Variants in GNAL observed in about 807,000 individuals in gnomAD.
GNAL encodes the protein guanine nucleotide-binding protein G(olf) subunit alpha.
Under a neutral mutation model 55.1 loss-of-function variants are expected in GNAL, and 18 were observed. That is an observed-to-expected ratio of 0.33 (90% CI 0.23 to 0.48). GNAL has a LOEUF of 0.48. Ranked by LOEUF, GNAL falls within the 20% of genes least tolerant of loss-of-function variation. GNAL has a pLI of 0.99. For synonymous variants in GNAL, 253 were observed against 237.0 expected, an observed-to-expected ratio of 1.07 and a Z score of -0.62; for missense variants, 412 against 614.1, an observed-to-expected ratio of 0.67 and a Z score of 3.48.
At chr18:11,770,108 C>A (rs1230727610) in intron 4 of GNAL, among the ~76,000 whole-genome samples, 1 of 151,972 alleles carries the variant, frequency 6.6e-6, no homozygotes, top group Admixed American at 6.5e-5. Flanking sequence ...ATTAAATATT[C>A]ATAATAATTT....
intron 4 of GNAL, among the ~76,000 whole-genome samples, chr18:11,807,203 A>G (rs59700035): frequency 0.42 from 63,913 of 151,920 alleles, 16,167 homozygotes; most frequent in African/African-American, 0.71. Flanking sequence ...CCAGCTCTAC[A>G]TCCTCGCAAA....
chr18:11,755,781 A>G (rs1030468242), intron 4 of GNAL, among the ~76,000 whole-genome samples: 62 of 152,090 alleles, frequency 4.1e-4, no homozygotes, highest in Admixed American at 1.4e-3. Context: ...TTGACGTGGC[A>G]GGGGAAGGGG....
chr18:11,851,516 C>CT, intron 5 of GNAL: 1 of 1,585,164 alleles, frequency 6.3e-7, no homozygotes, highest in East Asian at 2.3e-5. Flanking sequence ...CCGACTATGT[C>CT]TAACATGGAG....
intron 9 of GNAL, among the ~76,000 whole-genome samples, chr18:11,869,262 GCCT>G (rs768994247): frequency 1.6e-4 from 24 of 151,866 alleles, no homozygotes; most frequent in Non-Finnish European, 2.9e-4. Flanking sequence ...TCCTTCCTCA[GCCT>G]CCTGAGTAGC....
At chr18:11,785,271 G>T (rs180826599) in intron 4 of GNAL, among the ~76,000 whole-genome samples, 7 of 151,700 alleles carry the variant, frequency 4.6e-5, no homozygotes, top group African/African-American at 1.7e-4. Flanking sequence ...CATTGCTCCT[G>T]GATTCTGCAC....
chr18:11,876,409 G>T (rs542015086), intron 10 of GNAL, among the ~76,000 whole-genome samples: 8 of 148,772 alleles, frequency 5.4e-5, no homozygotes, highest in African/African-American at 2.0e-4. Context: ...GTTGCAGTGA[G>T]CCGAGATCAT....
At position 11,876,664 on chromosome 18, in the gene GNAL, G is replaced by A. The variant is rs759848429; in HGVS notation, c.1206G>A (p.Lys402=). 3.7e-6 allele frequency: 6 copies of A among 1,607,182 alleles called. No individual in the cohort carries two copies. Among genetic ancestry groups the A allele is most frequent in the Non-Finnish European group, 5.1e-6 (6 of 1,173,626 alleles). The part of the protein sequence containing the change: ...AGEDPKVTRA[K]FFIRDLFLRI... Reference sequence around the variant, plus strand: ...AAGATCCCAAAGTTACAAGAGCCAAGTTCTTTATCCGGGACCTGTTTTTGG... The same window carrying A: ...AAGATCCCAAAGTTACAAGAGCCAAATTCTTTATCCGGGACCTGTTTTTGG... The change falls in exon 11 of 12, where the codon AAG becomes AAA. Residue 402 remains lysine (K), a synonymous_variant. Coordinates refer to ENST00000334049, the MANE Select transcript of GNAL (RefSeq NM_182978.4).
chr18:11,760,598 G>A (rs2033208139), intron 4 of GNAL, among the ~76,000 whole-genome samples: 1 of 152,184 alleles, frequency 6.6e-6, no homozygotes, highest in Non-Finnish European at 1.5e-5. Flanking sequence ...CTGCCCCTCT[G>A]CTGGGTCTGT....
intron 1 of GNAL, among the ~76,000 whole-genome samples, chr18:11,691,870 G>T (rs1026969189): frequency 1.9e-4 from 29 of 152,206 alleles, no homozygotes; most frequent in Admixed American, 5.2e-4. Context: ...GTAACTGCGT[G>T]CAGGAGGGTG....
In GNAL at chr18:11,689,696, G is replaced by GC; in HGVS notation, c.134dup (p.Arg46LysfsTer84). 1 of 1,471,560 alleles carries GC rather than the reference G, an allele frequency of 6.8e-7. No individual in the cohort carries two copies. The highest frequency in any genetic ancestry group is 9.0e-7 in the Non-Finnish European group (1 of 1,116,548). 91.2% of individuals were successfully genotyped at this position (1,471,560 alleles called of 1,614,324 possible). On this transcript the variant is annotated frameshift_variant, in exon 1 of 12. Coordinates refer to ENST00000334049, the MANE Select transcript of GNAL (RefSeq NM_182978.4). LOFTEE classifies it high-confidence loss of function. ...GGCCCTGGCCCCAGTCCGGGCGGCC[G>GC]CAAGGGACACGGCCCGGACCCTGCT... is the stretch of plus-strand genomic sequence containing the variant.
Position 11,768,431 on chromosome 18 carries a change from G to A in GNAL, c.624+14486G>A, listed in dbSNP as rs948166130. Among the ~76,000 whole-genome samples, 9 of 152,004 alleles carry A rather than the reference G, an allele frequency of 5.9e-5. No individual in the cohort carries two copies. The South Asian group carries it at 6.2e-4, about 11-fold the overall frequency. ...AGCCTGACCAACATGGAGAAACCCCGTCTCTACTAAAAATACAAAATTAGC... is the reference window on the plus strand; with the variant it reads ...AGCCTGACCAACATGGAGAAACCCCATCTCTACTAAAAATACAAAATTAGC... On this transcript the variant is annotated intron_variant, in intron 4 of 11. Transcript: ENST00000334049.
chr18:11,728,878 G>T (rs1226625902), intron 1 of GNAL, among the ~76,000 whole-genome samples: 2 of 152,118 alleles, frequency 1.3e-5, no homozygotes, highest in Non-Finnish European at 2.9e-5. Context: ...AAAACAAATT[G>T]TTTCCTTGGG....
chr18:11,846,472 C>T (rs1461446939), intron 5 of GNAL, among the ~76,000 whole-genome samples: 18 of 148,246 alleles, frequency 1.2e-4, no homozygotes, highest in Admixed American at 9.5e-4. Context: ...TATACACACA[C>T]ACACACACAC....
chr18:11,849,552 A>G (rs989408450), intron 5 of GNAL, among the ~76,000 whole-genome samples: 4 of 151,866 alleles, frequency 2.6e-5, no homozygotes, highest in Non-Finnish European at 4.4e-5. Flanking sequence ...ACTATGGAGC[A>G]TGACATGGAA....
intron 4 of GNAL, among the ~76,000 whole-genome samples, chr18:11,797,454 T>C (rs1395284263): frequency 6.6e-6 from 1 of 152,088 alleles, no homozygotes; most frequent in Non-Finnish European, 1.5e-5. Context: ...TAGAAAACAA[T>C]CTGTCCACCA....
intron 4 of GNAL, among the ~76,000 whole-genome samples, chr18:11,819,944 AAAG>A (rs1272968457): frequency 1.3e-5 from 2 of 151,798 alleles, no homozygotes; most frequent in African/African-American, 4.9e-5. Flanking sequence ...GCGTCACAGA[AAAG>A]AAGTGGAACT....
At chr18:11,727,498 C>A (rs115912343) in intron 1 of GNAL, among the ~76,000 whole-genome samples, 1 of 152,196 alleles carries the variant, frequency 6.6e-6, no homozygotes, top group Non-Finnish European at 1.5e-5. Context: ...GTTCCAGTAA[C>A]GGATGGGCTG....
At chr18:11,842,673 T>C (rs1567887429) in intron 5 of GNAL, among the ~76,000 whole-genome samples, 1 of 152,110 alleles carries the variant, frequency 6.6e-6, no homozygotes, top group South Asian at 2.1e-4. Flanking sequence ...ATCGCTGATA[T>C]GACAGGAGGT....
chr18:11,842,659 T>A (rs1223716897), intron 5 of GNAL, among the ~76,000 whole-genome samples: 2 of 152,070 alleles, frequency 1.3e-5, no homozygotes, highest in Admixed American at 6.6e-5. Flanking sequence ...GAGAATCTAA[T>A]GCCATCGCTG....
Sources: gnomAD v4.1 joint callset for allele counts (sites outside exome capture counted in the v4.1 genomes callset) on GRCh38, gnomAD v4.1.1 for gene constraint, MANE v1.5 for transcripts, NCBI Gene and HGNC (gene_info 2026-07-23, HGNC 2026-07-21) for gene names.